The following ZNF17 variants were observed in gnomAD, a reference collection of about 807,000 sequenced individuals.
ZNF17 encodes zinc finger protein 17.
A neutral mutation model predicts 7.7 loss-of-function variants in ZNF17; 4 were observed. The observed-to-expected ratio is 0.52, with a 90% CI of 0.26 to 1.20. The LOEUF is 1.20. ZNF17 is among the 50% of genes most tolerant of loss of function. The probability of loss-of-function intolerance (pLI) is 0.14; values close to 1 mark genes in which losing one functional copy is unlikely to be tolerated. For missense variants in ZNF17, 738 were observed against 799.5 expected (o/e 0.92, Z 0.93); for synonymous variants, 249 against 258.8 (o/e 0.96, Z 0.36).
At chr19:57,415,716 T>C (rs1321916725) in intron 2 of ZNF17, among the ~76,000 whole-genome samples, 5 of 151,998 alleles carry the variant, frequency 3.3e-5, no homozygotes, top group Non-Finnish European at 7.4e-5. Flanking sequence ...GGAGATGGCC[T>C]TTGGAAAATA....
intron 2 of ZNF17, among the ~76,000 whole-genome samples, chr19:57,414,219 G>C: frequency 6.6e-6 from 1 of 151,990 alleles, no homozygotes; most frequent in Non-Finnish European, 1.5e-5. Flanking sequence ...TTTTTTAGTA[G>C]AGATGGGGTT....
rs758247859 is a variant in ZNF17 at position 57,420,723 on chromosome 19, G to A, written c.1237G>A (p.Glu413Lys). 3.7e-6 allele frequency: 6 copies of A among 1,614,050 alleles called. No individual in the cohort carries two copies. In the South Asian group the frequency reaches 6.6e-5, roughly 18 times the overall value. The change falls in exon 4 of 4, where the codon GAA becomes AAA. Residue 413 changes from glutamate (E) to lysine (K), a missense_variant. Glu to Lys is a moderately conservative substitution (Grantham distance 56, BLOSUM62 1). Coordinates refer to ENST00000307658, the MANE Select transcript of ZNF17 (RefSeq NM_001330617.2). ...LIRHQKVHTG[E>K]KPYECSECGK... ...TAGACATCAGAAAGTTCACACTGGA[G>A]AAAAGCCTTATGAGTGTAGTGAATG...
At position 57,420,748 on chromosome 19, in the gene ZNF17, G is replaced by A. The variant is rs1308879985; in HGVS notation, c.1262G>A (p.Cys421Tyr). Residue 421 changes from cysteine to tyrosine, a missense_variant, in exon 4 of 4, where the codon TGT becomes TAT. Physicochemically the swap from Cys to Tyr is radical, Grantham distance 194. Transcript: ENST00000307658. ...TGEKPYECSE[C>Y]GKFFMDTSTL... is the part of the protein sequence containing the mutation. ...GAAAAGCCTTATGAGTGTAGTGAATGTGGGAAGTTCTTTATGGACACTTCC... is the reference window on the plus strand; with the variant it reads ...GAAAAGCCTTATGAGTGTAGTGAATATGGGAAGTTCTTTATGGACACTTCC... 4.3e-6 allele frequency: 7 copies of A among 1,614,100 alleles called. No homozygotes were observed. The highest frequency in any genetic ancestry group is 5.9e-6 in the Non-Finnish European group (7 of 1,179,974).
At chr19:57,413,696 G>C in intron 2 of ZNF17, 60 bp downstream of exon 2, 1 of 1,521,712 alleles carries the variant, frequency 6.6e-7, no homozygotes, top group Non-Finnish European at 8.8e-7. Context: ...TGCTGATATA[G>C]GGAATGGTGT....
chr19:57,421,660 G>T lies in ZNF17; in HGVS notation c.*179G>T, dbSNP rs1050672111. The T allele has an allele frequency of 1.5e-6, 1 of 654,208 alleles. No homozygotes were observed. The highest frequency in any genetic ancestry group is 2.4e-6 in the Non-Finnish European group (1 of 415,996). The allele number at this position is 654,208 out of a possible 1,614,324, so 40.5% of individuals were successfully genotyped here. A position where few individuals can be genotyped will look rare whatever the true frequency, so the allele number is the denominator to read the frequency against. On this transcript the variant is annotated 3_prime_UTR_variant, in exon 4 of 4. Coordinates refer to ENST00000307658, the MANE Select transcript of ZNF17 (RefSeq NM_001330617.2). Reference sequence around the variant, plus strand: ...TGTTAAGTCATTCACATTGTGCAATGAATATCTAGAAGTCTTTTCAACTTA... The same window carrying T: ...TGTTAAGTCATTCACATTGTGCAATTAATATCTAGAAGTCTTTTCAACTTA...
At chr19:57,414,743 C>T (rs1280275305) in intron 2 of ZNF17, among the ~76,000 whole-genome samples, 1 of 151,238 alleles carries the variant, frequency 6.6e-6, no homozygotes, top group East Asian at 1.9e-4. Flanking sequence ...CGGAGTCTCC[C>T]TCTGTCGCCC....
At position 57,421,089 on chromosome 19, in the gene ZNF17, A is replaced by C. The variant is rs1421431485; in HGVS notation, c.1603A>C (p.Lys535Gln). 1 of 1,614,132 alleles carries C rather than the reference A, an allele frequency of 6.2e-7. No individual in the cohort carries two copies. The highest frequency in any genetic ancestry group is 2.2e-5 in the East Asian group (1 of 44,888). Reference sequence around the variant, plus strand: ...GCCTTATGAGTGTAGTGAATGTGGGAAATTCTTTAGGCACAACTCAAATCA... The same window carrying C: ...GCCTTATGAGTGTAGTGAATGTGGGCAATTCTTTAGGCACAACTCAAATCA... ...ERPYECSECGKFFRHNSNHIR... is the reference protein window; with the variant it reads ...ERPYECSECGQFFRHNSNHIR... The change falls in exon 4 of 4, where the codon AAA becomes CAA. Residue 535 changes from lysine (K) to glutamine (Q), a missense_variant. Physicochemically the swap from Lys to Gln is moderately conservative, Grantham distance 53. Coordinates refer to ENST00000307658, the MANE Select transcript of ZNF17 (RefSeq NM_001330617.2).
chr19:57,419,999 T>G lies in ZNF17; in HGVS notation c.513T>G (p.Ser171Arg), dbSNP rs1451258869. The G allele has an allele frequency of 6.2e-7, 1 of 1,614,210 alleles. No homozygotes were observed. Among genetic ancestry groups the G allele is most frequent in the Non-Finnish European group, 8.5e-7 (1 of 1,180,038 alleles). ...ATCTTCAACAACAGGCTCTTCACAG[T>G]GGGTGGAAGCCACACAGGGACACTC... ...DSDLQQQALHSGWKPHRDTHG... is the reference protein window; with the variant it reads ...DSDLQQQALHRGWKPHRDTHG... The change falls in exon 4 of 4, where the codon AGT (serine) becomes AGG (arginine). Residue 171 changes from serine to arginine, a missense_variant. By Grantham distance (110) the Ser-to-Arg change is moderately radical. Coordinates refer to ENST00000307658, the MANE Select transcript of ZNF17 (RefSeq NM_001330617.2).
intron 1 of ZNF17, among the ~76,000 whole-genome samples, chr19:57,412,831 C>G (rs566516159): frequency 1.4e-4 from 21 of 152,174 alleles, no homozygotes; most frequent in African/African-American, 5.1e-4. Flanking sequence ...ATGAATGTAA[C>G]CAATAGTTAA....
rs1022985952 is a variant in ZNF17 at position 57,421,602 on chromosome 19, A to G, written c.*121A>G. 1 of 1,141,872 alleles carries G rather than the reference A, an allele frequency of 8.8e-7. No homozygotes were observed. The highest frequency in any genetic ancestry group is 1.6e-5 in the African/African-American group (1 of 63,578). 70.7% of individuals were successfully genotyped at this position (1,141,872 alleles called of 1,614,324 possible). ...GAATACAGATAACATAAAATCTAACATCTTAACCATGTTAAAGTGTATAGT... is the reference window on the plus strand; with the variant it reads ...GAATACAGATAACATAAAATCTAACGTCTTAACCATGTTAAAGTGTATAGT... On this transcript the variant is annotated 3_prime_UTR_variant, in exon 4 of 4. Coordinates refer to ENST00000307658, the MANE Select transcript of ZNF17 (RefSeq NM_001330617.2).
At chr19:57,413,865 G>A (rs2088794181) in intron 2 of ZNF17, among the ~76,000 whole-genome samples, 1 of 152,060 alleles carries the variant, frequency 6.6e-6, no homozygotes, top group African/African-American at 2.4e-5. Context: ...CTCAAACACA[G>A]GATCTAGAAT....
At chr19:57,414,357 CAGAG>C (rs2088798230) in intron 2 of ZNF17, among the ~76,000 whole-genome samples, 2 of 144,020 alleles carry the variant, frequency 1.4e-5, no homozygotes, top group South Asian at 4.4e-4. Context: ...TTTTTCCAGA[CAGAG>C]GCTAACTCTG....
chr19:57,414,257 T>C (rs1453956189), intron 2 of ZNF17, among the ~76,000 whole-genome samples: 1 of 151,754 alleles, frequency 6.6e-6, no homozygotes. Flanking sequence ...ATGTTCTCAA[T>C]CTCTTGACCT....
rs2088822430 is a variant in ZNF17, at chr19:57,417,953, G to A, written c.63G>A (p.Gln21=). ...AGGACGTGGCCATACATTTCTCCCA[G>A]GAGGAGTGGGGAATTCTTAATGACG... ...VFEDVAIHFS[Q]EEWGILNDVQ... The change falls in exon 3 of 4, where the codon CAG becomes CAA. Residue 21 remains glutamine (Q), a synonymous_variant. Transcript: ENST00000307658. The A allele has an allele frequency of 1.2e-6, 2 of 1,614,116 alleles. No individual in the cohort carries two copies. The highest frequency in any genetic ancestry group is 1.7e-6 in the Non-Finnish European group (2 of 1,180,034).
Position 57,420,102 on chromosome 19 carries a change from A to G in ZNF17, c.616A>G (p.Thr206Ala), listed in dbSNP as rs757911234. Residue 206 changes from threonine (T) to alanine (A), a missense_variant, in exon 4 of 4, where the codon ACA (threonine) becomes GCA (alanine). Physicochemically the swap from Thr to Ala is moderately conservative, Grantham distance 58. Around this residue, in one of 3 missense-constraint regions of ZNF17, gnomAD observed 616 missense variants for 663.9 expected, o/e 0.93. Coordinates refer to ENST00000307658, the MANE Select transcript of ZNF17 (RefSeq NM_001330617.2). Reference sequence around the variant, plus strand: ...TGGGAAAGACTTTTGCCACCAACATACACTGTTTGAGCACCAGAAAATCCA... The same window carrying G: ...TGGGAAAGACTTTTGCCACCAACATGCACTGTTTGAGCACCAGAAAATCCA... ...QCGKDFCHQH[T>A]LFEHQKIHTE... The G allele has an allele frequency of 1.2e-6, 2 of 1,614,232 alleles. No individual in the cohort carries two copies. The highest frequency in any genetic ancestry group is 8.5e-7 in the Non-Finnish European group (1 of 1,180,052).
rs779581002 is a variant in ZNF17 at position 57,411,384 on chromosome 19, C to G, written c.-43C>G. The G allele has an allele frequency of 5.0e-6, 8 of 1,612,560 alleles. No homozygotes were observed. Among genetic ancestry groups the G allele is most frequent in the Admixed American group, 3.3e-5 (2 of 59,910 alleles). ...TCTTCCCTGGCTGTGCTGGCGGAGG[C>G]TGCGCCGATGAACCTGACTGAGGTG... On this transcript the variant is annotated 5_prime_UTR_variant, in exon 1 of 4. Coordinates refer to ENST00000307658, the MANE Select transcript of ZNF17 (RefSeq NM_001330617.2).
rs762701269 is a variant in ZNF17, at chr19:57,420,297, A to G, written c.811A>G (p.Thr271Ala). ...TGTTGTTCAACACCAGAAAATTCAC[A>G]CTGGAGAAAGGCCTTATGAGTGCAG... is the stretch of plus-strand genomic sequence containing the variant. The part of the protein sequence containing the change: ...YNVVQHQKIH[T>A]GERPYECSEC... The change falls in exon 4 of 4, where the codon ACT (threonine) becomes GCT (alanine). Residue 271 changes from threonine to alanine, a missense_variant. Thr to Ala is a moderately conservative substitution (Grantham distance 58). Transcript: ENST00000307658. The G allele has an allele frequency of 6.2e-7, 1 of 1,614,192 alleles. No individual in the cohort carries two copies. The highest frequency in any genetic ancestry group is 8.5e-7 in the Non-Finnish European group (1 of 1,180,032).
intron 2 of ZNF17, 122 bp from the exon 3 acceptor site, chr19:57,417,790 T>C (rs2088820491): frequency 8.1e-7 from 1 of 1,230,316 alleles, no homozygotes; most frequent in Admixed American, 2.5e-5. Context: ...GAGCTTGCAG[T>C]GAGCCGAGAT....
rs575486296 is a variant in ZNF17, at chr19:57,411,266, C to T, written c.-161C>T. 9 of 1,357,048 alleles carry T rather than the reference C, an allele frequency of 6.6e-6. No homozygotes were observed. The highest frequency in any genetic ancestry group is 4.9e-5 in the Admixed American group (2 of 41,026). 84.1% of individuals were successfully genotyped at this position (1,357,048 alleles called of 1,614,324 possible). On this transcript the variant is annotated 5_prime_UTR_variant, in exon 1 of 4. Transcript: ENST00000307658. ...CGGAAAAACGCGAGAAAAGGTTTCC[C>T]CGTTGTACAGAGGCTAGAGTGAGGC...
Sources: gnomAD v4.1 joint callset for allele counts (sites outside exome capture counted in the v4.1 genomes callset) on GRCh38, gnomAD v4.1.1 for gene constraint, gnomAD v4.1.1 regional missense constraint, MANE v1.5 for transcripts, NCBI Gene and HGNC (gene_info 2026-07-23, HGNC 2026-07-21) for gene names.